Variants in DPH6 observed in about 807,000 individuals in gnomAD.
DPH6 encodes diphthamine biosynthesis 6, also known as diphthine--ammonia ligase.
DPH6 carries 33 observed loss-of-function variants against 38.2 expected under a neutral mutation model. The observed-to-expected ratio is 0.86, with a 90% CI of 0.65 to 1.15. The LOEUF is 1.15. Ranked by LOEUF, DPH6 falls within the 50% of genes most tolerant of loss-of-function variation. The pLI is 0.00. For synonymous variants in DPH6, 108 were observed against 103.0 expected, an observed-to-expected ratio of 1.05 and a Z score of -0.30; for missense variants, 325 against 320.0, an observed-to-expected ratio of 1.02 and a Z score of -0.12.
rs562376083 is a variant in DPH6 at position 35,401,379 on chromosome 15, C to G, written c.567+9456G>C. 1.0e-4 allele frequency: 75 copies of G among 750,192 alleles called. No individual in the cohort carries two copies. The African/African-American group carries it at 1.2e-3, about 12-fold the overall frequency. The allele number at this position is 750,192 out of a possible 1,614,324, so 46.5% of individuals were successfully genotyped here. On this transcript the variant is annotated intron_variant, in intron 6 of 8. Transcript: ENST00000256538. ...ATGGGTATGGCGGCAGTGGGAATGG[C>G]TATAATGATTTTGGTAATGATGGTG... is the stretch of plus-strand genomic sequence containing the variant.
intron 3 of DPH6, among the ~76,000 whole-genome samples, chr15:35,493,487 CT>C (rs757002959): frequency 1.4e-4 from 22 of 152,012 alleles, no homozygotes; most frequent in Non-Finnish European, 2.4e-4. Context: ...ATACATAATA[CT>C]TGAAGAAAAA....
the DPH6 span, among the ~76,000 whole-genome samples, chr15:35,162,277 T>G: frequency 6.6e-6 from 1 of 151,904 alleles, no homozygotes; most frequent in Non-Finnish European, 1.5e-5. Flanking sequence ...AATGCTACTT[T>G]CCCTGCCTGA....
chr15:35,152,600 A>G, the DPH6 span, among the ~76,000 whole-genome samples: 2 of 152,162 alleles, frequency 1.3e-5, no homozygotes, highest in African/African-American at 2.4e-5. Context: ...CCCAGGTTCA[A>G]GCAATACTCC....
intron 3 of DPH6, among the ~76,000 whole-genome samples, chr15:35,311,727 A>C (rs958436178): frequency 6.6e-6 from 1 of 152,230 alleles, no homozygotes; most frequent in African/African-American, 2.4e-5. Context: ...TAAGTTACAA[A>C]GAGGCATATT....
At chr15:35,393,469 TTTTG>T (rs556002706) in intron 6 of DPH6, among the ~76,000 whole-genome samples, 3 of 152,166 alleles carry the variant, frequency 2.0e-5, no homozygotes, top group Non-Finnish European at 2.9e-5. Context: ...GAAATGGTTT[TTTTG>T]TTTGTTTGTT....
chr15:35,439,728 ACC>A (rs749502337), intron 5 of DPH6, among the ~76,000 whole-genome samples: 72 of 151,742 alleles, frequency 4.7e-4, no homozygotes, highest in Non-Finnish European at 9.4e-4. Flanking sequence ...AGAGGAGTTC[ACC>A]CAACTCATAG....
chr15:35,318,887 T>G (rs2052216046), intron 3 of DPH6, among the ~76,000 whole-genome samples: 1 of 152,146 alleles, frequency 6.6e-6, no homozygotes, highest in African/African-American at 2.4e-5. Flanking sequence ...GTAATCAAGG[T>G]CTTGCATTTT....
At chr15:35,226,472 G>A (rs1048306057) in intron 3 of DPH6, among the ~76,000 whole-genome samples, 1 of 152,188 alleles carries the variant, frequency 6.6e-6, no homozygotes, top group African/African-American at 2.4e-5. Flanking sequence ...CACAACTATA[G>A]TTGTATGGAA....
chr15:35,186,083 T>C, the DPH6 span, among the ~76,000 whole-genome samples: 2 of 152,090 alleles, frequency 1.3e-5, no homozygotes, highest in Non-Finnish European at 1.5e-5. Context: ...GAAATGTGTA[T>C]CTTGCTCACC....
intron 3 of DPH6, among the ~76,000 whole-genome samples, chr15:35,243,709 G>A (rs1229066293): frequency 6.8e-6 from 1 of 146,670 alleles, no homozygotes; most frequent in African/African-American, 2.5e-5. Context: ...CCTATAAAAC[G>A]GCCCCACCCT....
intron 3 of DPH6, chr15:35,299,124 C>G: frequency 1.0e-6 from 1 of 985,964 alleles, no homozygotes; most frequent in East Asian, 2.4e-5. Flanking sequence ...TACTTTCTTA[C>G]AATCGTTAGG....
downstream of DPH6, among the ~76,000 whole-genome samples, chr15:35,212,676 A>T (rs949756896): frequency 6.6e-5 from 10 of 152,346 alleles, no homozygotes; most frequent in African/African-American, 2.4e-4. Flanking sequence ...AGTACTTTTT[A>T]TGATGAGTCT....
At chr15:35,169,036 A>G in the DPH6 span, among the ~76,000 whole-genome samples, 2 of 152,170 alleles carry the variant, frequency 1.3e-5, no homozygotes, top group Non-Finnish European at 2.9e-5. Context: ...CTTTAAACAA[A>G]TTAAGTATAT....
Position 35,331,817 on chromosome 15 carries a change from T to A in DPH6, n.208-740A>T, listed in dbSNP as rs1249790054. Among the ~76,000 whole-genome samples the A allele has an allele frequency of 3.9e-5, 6 of 152,186 alleles. 1 individual carries two copies. Among genetic ancestry groups the A allele is most frequent in the Admixed American group, 2.6e-4 (4 of 15,262 alleles). The stretch of plus-strand genomic sequence containing the variant: ...TTCTCAATATCCTGTCCTGTCTCCA[T>A]TATTGAGGGTTCCTGCAGGTGGTGG... On this transcript the variant is annotated intron_variant and non_coding_transcript_variant, in intron 3 of 3. Transcript: ENST00000558973.
intron 3 of DPH6, among the ~76,000 whole-genome samples, chr15:35,531,068 C>T (rs983029949): frequency 2.6e-5 from 4 of 152,180 alleles, no homozygotes; most frequent in Admixed American, 2.0e-4. Context: ...GCTATGTCTG[C>T]GTCCTCCCTG....
chr15:35,423,128 A>T (rs1336663326), intron 5 of DPH6, among the ~76,000 whole-genome samples: 1 of 151,870 alleles, frequency 6.6e-6, no homozygotes, highest in Non-Finnish European at 1.5e-5. Context: ...AATTTTGAGG[A>T]ATCTCCATAC....
intron 3 of DPH6, among the ~76,000 whole-genome samples, chr15:35,227,356 TG>T (rs1170804903): frequency 6.6e-6 from 1 of 151,718 alleles, no homozygotes; most frequent in Admixed American, 6.6e-5. Context: ...GCTAATTTTT[TG>T]TATTTTTAGT....
At chr15:35,299,564 T>C (rs1354415035) in intron 3 of DPH6, 5 of 461,102 alleles carry the variant, frequency 1.1e-5, no homozygotes, top group African/African-American at 2.1e-5. Context: ...CGCGGGGCGC[T>C]GGGCGGCGCG....
At chr15:35,358,939 G>A (rs969976945) in intron 3 of DPH6, among the ~76,000 whole-genome samples, 1 of 152,094 alleles carries the variant, frequency 6.6e-6, no homozygotes, top group Non-Finnish European at 1.5e-5. Context: ...TAGGGCCCTA[G>A]AACTCCCAAG....
Sources: allele counts gnomAD v4.1 joint callset (sites outside exome capture counted in the v4.1 genomes callset), GRCh38; gene constraint gnomAD v4.1.1; transcripts MANE v1.5; gene names NCBI Gene and HGNC (gene_info 2026-07-23, HGNC 2026-07-21).